Variants in TTN observed in about 807,000 individuals in gnomAD.
The protein encoded by TTN is connectin.
TTN carries 1,525 observed loss-of-function variants against 3,223.0 expected under a neutral mutation model. That is an observed-to-expected ratio of 0.47 (90% confidence interval 0.45 to 0.49). The LOEUF (loss-of-function observed/expected upper bound fraction) is 0.49. Among genes scored for constraint, TTN ranks in the 20% least tolerant of loss-of-function variants. TTN has a pLI of 0.00. For synonymous variants in TTN, 14,094 were observed against 15,161.0 expected, an observed-to-expected ratio of 0.93 and a Z score of 5.17; for missense variants, 40,786 against 43,424.0, an observed-to-expected ratio of 0.94 and a Z score of 5.40.
Position 178,613,922 on chromosome 2 carries a change from G to T in TTN, c.49361C>A (p.Pro16454Gln). 1 of 1,608,012 alleles carries T rather than the reference G, an allele frequency of 6.2e-7. No individual in the cohort carries two copies. The highest frequency in any genetic ancestry group is 2.2e-5 in the East Asian group (1 of 44,678). Residue 16454 changes from proline (P) to glutamine (Q), a missense_variant, in exon 263 of 363, where the codon CCA becomes CAA. Transcript: ENST00000589042. ...AKYQFDPPGP[P>Q]TRLEPSDITK... is the part of the protein sequence containing the mutation. ...GATATCAGAAGGTTCTAGGCGAGTT[G>T]GAGGACCAGGTGGATCTATAGACAG...
chr2:178,610,995 A>G lies in TTN; in HGVS notation c.51134T>C (p.Ile17045Thr), dbSNP rs111933113. The G allele has an allele frequency of 9.3e-6, 15 of 1,611,936 alleles. No homozygotes were observed. Among genetic ancestry groups the G allele is most frequent in the East Asian group, 4.5e-5 (2 of 44,736 alleles). ...GTTTTTCTTCAAAGAATGATTACCT[A>G]TGACTTTGACATTGATTGAGGCTGT... ...SATASINVKV[I>T]GLPGPCKDIK... The change falls in exon 270 of 363, where the codon ATA (isoleucine) becomes ACA (threonine). Residue 17045 changes from isoleucine to threonine, a missense_variant and splice_region_variant. Physicochemically the swap from Ile to Thr is moderately conservative, Grantham distance 89. Transcript: ENST00000589042.
In TTN at chr2:178,730,181, T is replaced by A; in HGVS notation, c.18219A>T (p.Ala6073=). 1 of 1,613,502 alleles carries A rather than the reference T, an allele frequency of 6.2e-7. No individual in the cohort carries two copies. Among genetic ancestry groups the A allele is most frequent in the Non-Finnish European group, 8.5e-7 (1 of 1,179,686 alleles). The change falls in exon 62 of 363, where the codon GCA becomes GCT. Residue 6073 remains alanine, a synonymous_variant. Transcript: ENST00000589042. ...AGGTTCCAGAATCGGTAGCTTTGGC[T>A]GCAAAGAGCTCTAGACTGGTAGAGG... is the stretch of plus-strand genomic sequence containing the variant. ...DDTSTSLELF[A]AKATDSGTYI...
intron 153 of TTN, 69 bp downstream of exon 153, chr2:178,672,566 G>C: frequency 7.5e-6 from 12 of 1,599,398 alleles, no homozygotes; most frequent in Middle Eastern, 1.7e-4. Flanking sequence ...AAGACACAGA[G>C]ACATGAAACA....
chr2:178,804,015 T>C (rs1303045926), intron 2 of TTN, among the ~76,000 whole-genome samples: 2 of 152,182 alleles, frequency 1.3e-5, no homozygotes, highest in Non-Finnish European at 2.9e-5. Flanking sequence ...TTTTAATTCA[T>C]TAGAATCACT....
chr2:178,745,345 T>G, intron 47 of TTN: 1 of 1,363,356 alleles, frequency 7.3e-7, no homozygotes, highest in Admixed American at 3.0e-5. Context: ...GATTTAATTG[T>G]GTTTGATATT....
intron 2 of TTN, among the ~76,000 whole-genome samples, chr2:178,803,961 G>A (rs1026223324): frequency 1.3e-5 from 2 of 152,090 alleles, no homozygotes; most frequent in African/African-American, 2.4e-5. Flanking sequence ...AGAGACACCC[G>A]AGAAGCATAT....
intron 92 of TTN, 88 bp downstream of exon 92, chr2:178,713,809 T>C (rs903087593): frequency 5.7e-5 from 84 of 1,479,158 alleles, no homozygotes; most frequent in Non-Finnish European, 7.3e-5. Flanking sequence ...TGTTATCCTA[T>C]AGAAGATGTA....
rs1342072296 is a variant in TTN at position 178,765,679 on chromosome 2, G to GATAT, written c.9703+698_9703+701dup. ...GCCTCAGGGGTATTTTATTCAAAGA[G>GATAT]ATATGGCCTAGGATGAGAATAGGAA... On this transcript the variant is annotated intron_variant, in intron 41 of 362. Transcript: ENST00000589042. Among the ~76,000 whole-genome samples, 3 of 152,284 alleles carry GATAT rather than the reference G, an allele frequency of 2.0e-5. No individual in the cohort carries two copies. In the East Asian group the frequency reaches 5.8e-4, roughly 29 times the overall value.
chr2:178,569,956 A>G lies in TTN; in HGVS notation c.76176T>C (p.Pro25392=). 1 of 1,612,380 alleles carries G rather than the reference A, an allele frequency of 6.2e-7. No homozygotes were observed. Among genetic ancestry groups the G allele is most frequent in the Non-Finnish European group, 8.5e-7 (1 of 1,178,976 alleles). Residue 25392 remains proline (P), a synonymous_variant, in exon 326 of 363, where the codon CCT becomes CCC. Transcript: ENST00000589042. ...CACAAGCCTTTTGGTAAGCAGAAGG[A>G]GGGCTTGGTTCACTAAGTCCAGCAG... ...ENAAGLSEPS[P]PSAYQKACDP...
chr2:178,647,209 A>G (rs2062147018), intron 214 of TTN, 65 bp from the exon 215 acceptor site: 2 of 1,157,936 alleles, frequency 1.7e-6, no homozygotes, highest in African/African-American at 1.6e-5. Context: ...CTACTATTCT[A>G]ACATATCAAC....
chr2:178,554,588 G>A lies in TTN; in HGVS notation c.88759C>T (p.His29587Tyr). The A allele has an allele frequency of 6.2e-7, 1 of 1,613,842 alleles. No individual in the cohort carries two copies. The highest frequency in any genetic ancestry group is 8.5e-7 in the Non-Finnish European group (1 of 1,179,836). ...GTTGTAATGATGCACTCTTCCAAAT[G>A]TTCAGACACCATAGACCACACAACG... ...SRVVWSMVSE[H>Y]LEECIITTTK... Residue 29587 changes from histidine (H) to tyrosine (Y), a missense_variant, in exon 332 of 363, where the codon CAT becomes TAT. By Grantham distance (83) the His-to-Tyr change is moderately conservative. Coordinates refer to ENST00000589042, the MANE Select transcript of TTN (RefSeq NM_001267550.2).
In TTN at chr2:178,707,596, C is replaced by A. The variant is rs370903846; in HGVS notation, c.28971G>T (p.Ser9657=). The change falls in exon 100 of 363, where the codon TCG becomes TCT. Residue 9657 remains serine (S), a synonymous_variant. Coordinates refer to ENST00000589042, the MANE Select transcript of TTN (RefSeq NM_001267550.2). The part of the protein sequence containing the change: ...LELRDVAKAD[S]GDYVCKASNV... Reference sequence around the variant, plus strand: ...TTGAAGCTTTACACACATAATCTCCCGAATCTGCTTTAGCCACATCTCTGA... The same window carrying A: ...TTGAAGCTTTACACACATAATCTCCAGAATCTGCTTTAGCCACATCTCTGA... 16 of 1,613,722 alleles carry A rather than the reference C, an allele frequency of 9.9e-6. No individual in the cohort carries two copies. Among genetic ancestry groups the A allele is most frequent in the Non-Finnish European group, 1.3e-5 (15 of 1,179,842 alleles).
rs1025151619 is a variant in TTN at position 178,593,491 on chromosome 2, G to A, written c.58733-16C>T. ...TCAGGAACCCCTGTAACAAATGTTG[G>A]AAAATGCGTTAGAAATTTATTTCTT... On this transcript the variant is annotated splice_polypyrimidine_tract_variant and intron_variant, in intron 298 of 362. Transcript: ENST00000589042. 2 of 1,600,316 alleles carry A rather than the reference G, an allele frequency of 1.2e-6. No individual in the cohort carries two copies. Among genetic ancestry groups the A allele is most frequent in the African/African-American group, 2.7e-5 (2 of 73,714 alleles).
intron 253 of TTN, 121 bp from the exon 254 acceptor site, chr2:178,617,633 G>A: frequency 7.3e-7 from 1 of 1,376,130 alleles, no homozygotes; most frequent in South Asian, 1.4e-5. Flanking sequence ...AGTAAAGTAG[G>A]CACAGTCTGG....
In TTN at chr2:178,531,799, T is replaced by G; in HGVS notation, c.104816A>C (p.Asp34939Ala). The change falls in exon 358 of 363, where the codon GAC becomes GCC. Residue 34939 changes from aspartate to alanine, a missense_variant. Asp to Ala is a moderately radical substitution (Grantham distance 126, BLOSUM62 -2). Transcript: ENST00000589042. Reference protein sequence around the residue: ...EVLSQQPFTLDHAPRITLRMR... With the variant: ...EVLSQQPFTLAHAPRITLRMR... ...TCTCAGTGTGATTCGAGGGGCATGG[T>G]CCAGTGTGAAAGGCTGCTGACTCAA... The G allele has an allele frequency of 6.2e-7, 1 of 1,613,988 alleles. No individual in the cohort carries two copies. The highest frequency in any genetic ancestry group is 2.2e-5 in the East Asian group (1 of 44,884).
intron 231 of TTN, 25 bp downstream of exon 231, chr2:178,633,792 T>C: frequency 6.2e-7 from 1 of 1,609,972 alleles, no homozygotes. Context: ...AAACTGGCTA[T>C]CTGGTTATAC....
intron 326 of TTN, 27 bp downstream of exon 326, chr2:178,559,284 T>C (rs1376560511): frequency 2.6e-6 from 4 of 1,536,218 alleles, no homozygotes; most frequent in Non-Finnish European, 8.8e-7. Flanking sequence ...CGTGGATATG[T>C]AGAATTTCCT....
rs1577750472 is a variant in TTN, at chr2:178,707,407, A to G, written c.29041+119T>C. On this transcript the variant is annotated intron_variant, in intron 100 of 362. Transcript: ENST00000589042. ...TTATAATAAGGAGCCTACAAATTGC[A>G]GATGAGCAACAACTGATATTTCTAA... The G allele has an allele frequency of 6.6e-6, 8 of 1,217,612 alleles. No individual in the cohort carries two copies. The East Asian group carries it at 1.8e-4, about 28-fold the overall frequency. The allele number at this position is 1,217,612 out of a possible 1,614,324, so 75.4% of individuals were successfully genotyped here. A position where few individuals can be genotyped will look rare whatever the true frequency, so the allele number is the denominator to read the frequency against.
chr2:178,709,754 G>A lies in TTN; in HGVS notation c.28565C>T (p.Pro9522Leu). 6.2e-7 allele frequency: 1 copy of A among 1,613,866 alleles called. No individual in the cohort carries two copies. The highest frequency in any genetic ancestry group is 8.5e-7 in the Non-Finnish European group (1 of 1,179,828). The change falls in exon 99 of 363, where the codon CCT (proline) becomes CTT (leucine). Residue 9522 changes from proline to leucine, a missense_variant. Transcript: ENST00000589042. ...KLEGRVAGSQ[P>L]ITVAWYKNNI... ...ATTTTTGTACCAGGCAACAGTTATA[G>A]GTTGGGAACCAGCCACACGTCCCTC...
Sources: allele counts gnomAD v4.1 joint callset (sites outside exome capture counted in the v4.1 genomes callset), GRCh38; gene constraint gnomAD v4.1.1; transcripts MANE v1.5; gene names NCBI Gene and HGNC (gene_info 2026-07-23, HGNC 2026-07-21).